Variants in KCNU1 observed in about 807,000 individuals in gnomAD.
The protein encoded by KCNU1 is potassium channel subfamily U member 1.
A neutral mutation model predicts 126.8 loss-of-function variants in KCNU1; 93 were observed. The ratio of observed to expected loss-of-function variants is 0.73; its 90% CI spans 0.62 to 0.87. The LOEUF is 0.87. Ranked by LOEUF, KCNU1 falls within the 40% of genes least tolerant of loss-of-function variation. The pLI is 0.00. For missense variants in KCNU1, 1,330 were observed against 1,367.1 expected, an observed-to-expected ratio of 0.97 and a Z score of 0.43; for synonymous variants, 523 against 494.2, an observed-to-expected ratio of 1.06 and a Z score of -0.77.
chr8:36,931,738 A>C (rs1483727844), intron 25 of KCNU1, among the ~76,000 whole-genome samples: 3 of 152,072 alleles, frequency 2.0e-5, no homozygotes, highest in Admixed American at 2.0e-4. Context: ...TGATAAGGTC[A>C]GCTGAAATCA....
chr8:36,874,815 CCTTT>C (rs1806222061), intron 19 of KCNU1, among the ~76,000 whole-genome samples: 1 of 152,010 alleles, frequency 6.6e-6, no homozygotes, highest in South Asian at 2.1e-4. Context: ...ATTGGGAAAA[CCTTT>C]CTTACCGAGA....
At chr8:36,926,632 C>T (rs916247554) in intron 24 of KCNU1, among the ~76,000 whole-genome samples, 1 of 152,126 alleles carries the variant, frequency 6.6e-6, no homozygotes, top group South Asian at 2.1e-4. Context: ...CAATTTCCAG[C>T]CAGAAGTCTG....
chr8:36,889,082 T>C (rs1806846067), intron 19 of KCNU1: 2 of 527,740 alleles, frequency 3.8e-6, no homozygotes, highest in Non-Finnish European at 7.7e-6. Flanking sequence ...TTTCACCATG[T>C]TGGCCAGGCT....
chr8:36,845,735 G>A, intron 17 of KCNU1, 66 bp downstream of exon 17: 6 of 1,443,950 alleles, frequency 4.2e-6, no homozygotes, highest in Non-Finnish European at 5.9e-6. Flanking sequence ...GGCCCACTGA[G>A]TCAGCACCAT....
intron 23 of KCNU1, among the ~76,000 whole-genome samples, chr8:36,921,322 T>C (rs933004257): frequency 2.6e-5 from 4 of 152,076 alleles, no homozygotes; most frequent in African/African-American, 9.7e-5. Context: ...CCAGAGTCTT[T>C]TAAAACAGGC....
chr8:36,800,188 T>G (rs1319551435), intron 2 of KCNU1, among the ~76,000 whole-genome samples: 1 of 152,192 alleles, frequency 6.6e-6, no homozygotes, highest in African/African-American at 2.4e-5. Context: ...TTCCTATACT[T>G]CTCATAAAAC....
intron 7 of KCNU1, among the ~76,000 whole-genome samples, chr8:36,810,742 G>A (rs1204037478): frequency 6.6e-6 from 1 of 152,086 alleles, no homozygotes; most frequent in Non-Finnish European, 1.5e-5. Context: ...AAAATAACAA[G>A]AAGGTGTGTT....
intron 19 of KCNU1, among the ~76,000 whole-genome samples, chr8:36,868,282 T>A (rs762652154): frequency 5.3e-5 from 8 of 152,098 alleles, no homozygotes; most frequent in Non-Finnish European, 1.2e-4. Context: ...AGCTAGCAAA[T>A]TGGCAACATA....
chr8:36,808,505 A>C (rs1309327240), intron 6 of KCNU1, among the ~76,000 whole-genome samples: 1 of 152,068 alleles, frequency 6.6e-6, no homozygotes, highest in African/African-American at 2.4e-5. Flanking sequence ...TCAACCTCTA[A>C]TGTGTATATG....
chr8:36,787,200 T>A, intron 1 of KCNU1, 106 bp from the exon 2 acceptor site: 1 of 967,084 alleles, frequency 1.0e-6, no homozygotes, highest in Non-Finnish European at 1.4e-6. Context: ...CAAGGTGGAG[T>A]GATTTTCGAC....
At position 36,864,444 on chromosome 8, in the gene KCNU1, C is replaced by A. The variant is rs759236745; in HGVS notation, c.1932C>A (p.Ile644=). 16 of 1,612,466 alleles carry A rather than the reference C, an allele frequency of 9.9e-6. No individual in the cohort carries two copies. The highest frequency in any genetic ancestry group is 1.7e-5 in the Admixed American group (1 of 59,958). The change falls in exon 19 of 27, where the codon ATC becomes ATA. Residue 644 remains isoleucine, a synonymous_variant. Transcript: ENST00000399881. The part of the protein sequence containing the change: ...VKRMKKCLKG[I]SSRISGQDSP... ...GAATGAAAAAATGTCTGAAGGGAAT[C>A]TCCTCTCGTATATCAGGGCAGGATT...
intron 2 of KCNU1, 22 bp from the exon 3 acceptor site, chr8:36,804,005 T>C: frequency 1.3e-6 from 2 of 1,504,492 alleles, no homozygotes; most frequent in Non-Finnish European, 1.8e-6. Flanking sequence ...TTTAGACATT[T>C]GTCCCTGTTT....
At chr8:36,929,666 G>A (rs1029263398) in intron 24 of KCNU1, among the ~76,000 whole-genome samples, 4 of 152,134 alleles carry the variant, frequency 2.6e-5, no homozygotes, top group African/African-American at 9.7e-5. Context: ...AAGGCATGAA[G>A]CAGTAAAAGA....
chr8:36,789,417 A>C (rs552499391), intron 2 of KCNU1, among the ~76,000 whole-genome samples: 1 of 152,042 alleles, frequency 6.6e-6, no homozygotes, highest in Admixed American at 6.6e-5. Context: ...TAGAGATCCC[A>C]AGTACAGTTT....
At chr8:36,854,946 G>A (rs1198379722) in intron 18 of KCNU1, among the ~76,000 whole-genome samples, 1 of 152,084 alleles carries the variant, frequency 6.6e-6, no homozygotes, top group Non-Finnish European at 1.5e-5. Flanking sequence ...GCTTATAATT[G>A]GACAATGATT....
rs1241733452 is a variant in KCNU1 at position 36,825,850 on chromosome 8, T to A, written c.1107-7704T>A. ...TGGCAGTTTATTTACTTAAGAACCATGAAATTTTATTCCACTTACTTCTGA... is the reference window on the plus strand; with the variant it reads ...TGGCAGTTTATTTACTTAAGAACCAAGAAATTTTATTCCACTTACTTCTGA... On this transcript the variant is annotated intron_variant, in intron 10 of 26. Coordinates refer to ENST00000399881, the MANE Select transcript of KCNU1 (RefSeq NM_001031836.3). 2.0e-5 allele frequency among the ~76,000 whole-genome samples: 3 copies of A among 152,158 alleles called. No individual in the cohort carries two copies. In the East Asian group the frequency reaches 5.8e-4, roughly 29 times the overall value.
chr8:36,844,424 A>G (rs1585448296), intron 16 of KCNU1, among the ~76,000 whole-genome samples: 1 of 152,114 alleles, frequency 6.6e-6, no homozygotes, highest in South Asian at 2.1e-4. Context: ...ACAACTAAGC[A>G]TGCATCTGCT....
At chr8:36,860,473 G>A (rs957315898) in intron 18 of KCNU1, among the ~76,000 whole-genome samples, 1 of 152,120 alleles carries the variant, frequency 6.6e-6, no homozygotes, top group East Asian at 1.9e-4. Flanking sequence ...TCTTCTTAAT[G>A]GAATTAGATA....
At chr8:36,788,873 G>A (rs886438948) in intron 2 of KCNU1, among the ~76,000 whole-genome samples, 1 of 152,200 alleles carries the variant, frequency 6.6e-6, no homozygotes, top group Non-Finnish European at 1.5e-5. Flanking sequence ...TAGGGTGAGG[G>A]AGAAGGGAAC....
Sources: gnomAD v4.1 joint callset for allele counts (sites outside exome capture counted in the v4.1 genomes callset) on GRCh38, gnomAD v4.1.1 for gene constraint, MANE v1.5 for transcripts, NCBI Gene and HGNC (gene_info 2026-07-23, HGNC 2026-07-21) for gene names.